Variants in CRYBB3 observed in about 807,000 individuals in gnomAD.
The protein encoded by CRYBB3 is crystallin beta B3, also known as beta-crystallin B3.
A neutral mutation model predicts 28.3 loss-of-function variants in CRYBB3; 35 were observed. The observed-to-expected ratio is 1.24, with a 90% confidence interval of 0.95 to 1.64. The LOEUF (loss-of-function observed/expected upper bound fraction) is 1.64, where lower values mean the gene tolerates loss of function less well. Among genes scored for constraint, CRYBB3 ranks in the 40% most tolerant of loss-of-function variants. CRYBB3 has a pLI of 0.00. For synonymous variants in CRYBB3, 106 were observed against 110.4 expected (o/e 0.96, Z 0.25); for missense variants, 296 against 297.4 (o/e 1.00, Z 0.04).
intron 2 of CRYBB3, 35 bp downstream of exon 2, chr22:25,201,506 T>C (rs1934948788): frequency 3.7e-6 from 6 of 1,608,326 alleles, no homozygotes; most frequent in African/African-American, 1.3e-5. Flanking sequence ...GGGCCCAGGC[T>C]ACTCCTGGGC....
intron 4 of CRYBB3, 78 bp downstream of exon 4, chr22:25,203,973 C>G: frequency 6.3e-7 from 1 of 1,584,050 alleles, no homozygotes; most frequent in South Asian, 1.1e-5. Flanking sequence ...GCTCATTGCA[C>G]AAGCTGGGCT....
In CRYBB3 at chr22:25,207,099, C is replaced by T. The variant is rs373833533; in HGVS notation, c.523C>T (p.Arg175Trp). ...CCGTGGGCGCCAGTACGTGTTTGAG[C>T]GGGGCGAGTACCGCCACTGGAATGA... ...GYRGRQYVFE[R>W]GEYRHWNEWD... Residue 175 changes from arginine (R) to tryptophan (W), a missense_variant, in exon 6 of 6, where the codon CGG (arginine) becomes TGG (tryptophan). Transcript: ENST00000215855. The T allele has an allele frequency of 1.4e-5, 23 of 1,612,314 alleles. No homozygotes were observed. Among genetic ancestry groups the T allele is most frequent in the South Asian group, 9.9e-5 (9 of 91,046 alleles).
intron 5 of CRYBB3, among the ~76,000 whole-genome samples, chr22:25,205,617 G>A (rs989344170): frequency 6.6e-6 from 1 of 151,966 alleles, no homozygotes; most frequent in East Asian, 1.9e-4. Context: ...CCACGACCAC[G>A]CCCGGCTAAG....
At chr22:25,206,048 C>T (rs1935028183) in intron 5 of CRYBB3, among the ~76,000 whole-genome samples, 1 of 152,128 alleles carries the variant, frequency 6.6e-6, no homozygotes, top group Non-Finnish European at 1.5e-5. Flanking sequence ...TCTTTCTAGG[C>T]TTAATATCAC....
In CRYBB3 at chr22:25,205,343, G is replaced by A. The variant is rs769430179; in HGVS notation, c.451G>A (p.Val151Ile). Reference sequence around the variant, plus strand: ...TGGCTTCCAGGACCGTGTGGCGAGTGTCCGTGCCATCAACGGGACGTAAGG... The same window carrying A: ...TGGCTTCCAGGACCGTGTGGCGAGTATCCGTGCCATCAACGGGACGTAAGG... ...AHGFQDRVAS[V>I]RAINGTWVGY... The change falls in exon 5 of 6, where the codon GTC (valine) becomes ATC (isoleucine). Residue 151 changes from valine (V) to isoleucine (I), a missense_variant. Val to Ile is a conservative substitution (Grantham distance 29). Transcript: ENST00000215855. 6.2e-7 allele frequency: 1 copy of A among 1,614,140 alleles called. No individual in the cohort carries two copies. The highest frequency in any genetic ancestry group is 8.5e-7 in the Non-Finnish European group (1 of 1,180,024).
In CRYBB3 at chr22:25,203,896, G is replaced by A. The variant is rs143187630; in HGVS notation, c.327+1G>A. ...TCTGTCCCTCCGGCCTCTGAATATT[G>A]TGAGTGTGGTTCCTGCTCACTTCTG... On this transcript the variant is annotated splice_donor_variant, in intron 4 of 5. Coordinates refer to ENST00000215855, the MANE Select transcript of CRYBB3 (RefSeq NM_004076.5). LOFTEE classifies it high-confidence loss of function. The A allele has an allele frequency of 1.2e-6, 2 of 1,614,146 alleles. No homozygotes were observed. Among genetic ancestry groups the A allele is most frequent in the South Asian group, 2.2e-5 (2 of 91,074 alleles).
At chr22:25,201,647 A>G (rs182106380) in intron 2 of CRYBB3, among the ~76,000 whole-genome samples, 176 bp downstream of exon 2, 1 of 152,296 alleles carries the variant, frequency 6.6e-6, no homozygotes, top group African/African-American at 2.4e-5. Context: ...AACTTGCTTC[A>G]TGACTTTGCT....
intron 3 of CRYBB3, 62 bp from the exon 4 acceptor site, chr22:25,203,701 T>A: frequency 6.2e-7 from 1 of 1,606,792 alleles, no homozygotes; most frequent in Non-Finnish European, 8.5e-7. Context: ...CTTCTCTCAC[T>A]AAACTTGAAT....
intron 4 of CRYBB3, among the ~76,000 whole-genome samples, chr22:25,204,929 C>T (rs967398495): frequency 1.3e-5 from 2 of 152,222 alleles, no homozygotes; most frequent in African/African-American, 4.8e-5. Context: ...CTCCTGGCCT[C>T]AGTTTCTCTA....
intron 3 of CRYBB3, among the ~76,000 whole-genome samples, chr22:25,203,368 A>G (rs1174776525): frequency 6.6e-6 from 1 of 152,214 alleles, no homozygotes; most frequent in African/African-American, 2.4e-5. Context: ...TACGTACTTC[A>G]GAGAGAGTTT....
intron 2 of CRYBB3, 79 bp from the exon 3 acceptor site, chr22:25,202,595 C>G: frequency 6.2e-7 from 1 of 1,606,838 alleles, no homozygotes; most frequent in Non-Finnish European, 8.5e-7. Context: ...GGGTACCTCC[C>G]TCTAATGCCC....
chr22:25,202,651 T>A, intron 2 of CRYBB3, 23 bp from the exon 3 acceptor site: 1 of 1,612,912 alleles, frequency 6.2e-7, no homozygotes, highest in Non-Finnish European at 8.5e-7. Flanking sequence ...AGAGGTGGGA[T>A]GTTTAGGACT....
At chr22:25,201,349 C>A in intron 1 of CRYBB3, 28 bp from the exon 2 acceptor site, 1 of 1,610,084 alleles carries the variant, frequency 6.2e-7, no homozygotes, top group South Asian at 1.1e-5. Flanking sequence ...CGGGTGGATC[C>A]AGTGAACCAT....
intron 5 of CRYBB3, among the ~76,000 whole-genome samples, chr22:25,206,310 G>A (rs1027042975): frequency 7.9e-5 from 12 of 152,124 alleles, no homozygotes; most frequent in South Asian, 2.1e-4. Context: ...TTGGGAGGCC[G>A]AAGTGGGCGG....
At chr22:25,206,956 T>A (rs1935045521) in intron 5 of CRYBB3, 91 bp from the exon 6 acceptor site, 1 of 946,156 alleles carries the variant, frequency 1.1e-6, no homozygotes, top group Admixed American at 1.7e-5. Flanking sequence ...TAAAGAGGAA[T>A]GTAGGCAGGC....
intron 5 of CRYBB3, 38 bp downstream of exon 5, chr22:25,205,400 G>A (rs756806308): frequency 1.6e-5 from 25 of 1,612,252 alleles, no homozygotes; most frequent in Non-Finnish European, 2.0e-5. Context: ...CCATCTTCTG[G>A]TCAGCCATGC....
Position 25,207,314 on chromosome 22 carries a change from C to T in CRYBB3, c.*102C>T, listed in dbSNP as rs1019571172. 1.9e-5 allele frequency: 20 copies of T among 1,032,236 alleles called. No homozygotes were observed. The highest frequency in any genetic ancestry group is 2.4e-5 in the Non-Finnish European group (17 of 716,970). The allele number at this position is 1,032,236 out of a possible 1,614,324, so 63.9% of individuals were successfully genotyped here. ...GCGAGGGCCGACCTGTCCACCCTTC[C>T]CTGGAATCTGCTCAATAAAGCCTGG... On this transcript the variant is annotated 3_prime_UTR_variant, in exon 6 of 6. Transcript: ENST00000215855.
chr22:25,206,734 A>T (rs1271529524), intron 5 of CRYBB3, among the ~76,000 whole-genome samples: 1 of 151,708 alleles, frequency 6.6e-6, no homozygotes, highest in East Asian at 1.9e-4. Context: ...AAAAAGGGGG[A>T]AGGAGAGGGA....
At chr22:25,205,750 C>T (rs1032681428) in intron 5 of CRYBB3, among the ~76,000 whole-genome samples, 3 of 152,096 alleles carry the variant, frequency 2.0e-5, no homozygotes, top group African/African-American at 4.8e-5. Flanking sequence ...TGAGCCACGG[C>T]GCCCGGCCAT....
Sources: gnomAD v4.1 joint callset for allele counts (sites outside exome capture counted in the v4.1 genomes callset) on GRCh38, gnomAD v4.1.1 for gene constraint, MANE v1.5 for transcripts, NCBI Gene and HGNC (gene_info 2026-07-23, HGNC 2026-07-21) for gene names.